The following FSTL5 variants were observed in gnomAD, a reference collection of about 807,000 sequenced individuals.
FSTL5 encodes the protein follistatin like 5.
In FSTL5, 62 loss-of-function variants were observed where a neutral mutation model predicts 89.1. The ratio of observed to expected loss-of-function variants is 0.70; its 90% confidence interval spans 0.57 to 0.86. The LOEUF is 0.86. Ranked by LOEUF, FSTL5 falls within the 40% of genes least tolerant of loss-of-function variation. FSTL5 has a pLI of 0.00. For missense variants in FSTL5, 1,057 were observed against 1,001.6 expected, an observed-to-expected ratio of 1.06 and a Z score of -0.75; for synonymous variants, 383 against 346.2, an observed-to-expected ratio of 1.11 and a Z score of -1.18.
At chr4:161,463,790 A>G (rs1165524947) in intron 13 of FSTL5, among the ~76,000 whole-genome samples, 1 of 152,196 alleles carries the variant, frequency 6.6e-6, no homozygotes, top group South Asian at 2.1e-4. Context: ...GCAAAGGATT[A>G]CAAAGAGTCT....
intron 8 of FSTL5, among the ~76,000 whole-genome samples, chr4:161,543,543 A>G (rs1005598369): frequency 7.2e-5 from 11 of 152,056 alleles, no homozygotes; most frequent in Non-Finnish European, 1.5e-4. Context: ...GAAAAAGTAC[A>G]AAGCTGGAGG....
At chr4:162,073,921 T>C (rs1354982779) in intron 2 of FSTL5, among the ~76,000 whole-genome samples, 8 of 151,812 alleles carry the variant, frequency 5.3e-5, no homozygotes, top group Non-Finnish European at 1.0e-4. Context: ...GTGCATTTTA[T>C]ACTTTTCAGC....
In FSTL5 at chr4:161,418,440, T is replaced by G. The variant is rs1025742564; in HGVS notation, c.1842-31991A>C. On this transcript the variant is annotated intron_variant, in intron 15 of 15. Transcript: ENST00000306100. ...TTATTTGTTACTGCTTGTTTTTGAC[T>G]GCAAGGTGGGAAGTGGTGCTCCTTA... 7.2e-5 allele frequency among the ~76,000 whole-genome samples: 11 copies of G among 152,190 alleles called. No individual in the cohort carries two copies. In the East Asian group the frequency reaches 2.1e-3, roughly 29 times the overall value.
intron 4 of FSTL5, among the ~76,000 whole-genome samples, chr4:161,888,118 T>C (rs1376489103): frequency 1.3e-5 from 2 of 152,172 alleles, no homozygotes; most frequent in Admixed American, 6.5e-5. Flanking sequence ...AAGAGACTAA[T>C]ACATTTCCCA....
intron 3 of FSTL5, among the ~76,000 whole-genome samples, chr4:161,994,333 T>C (rs905884969): frequency 6.6e-6 from 1 of 152,202 alleles, no homozygotes; most frequent in Non-Finnish European, 1.5e-5. Flanking sequence ...CTATTGTGAA[T>C]AGTGCTGCAA....
chr4:161,507,506 A>C (rs1560929271), intron 11 of FSTL5, among the ~76,000 whole-genome samples: 2 of 151,852 alleles, frequency 1.3e-5, no homozygotes, highest in Non-Finnish European at 2.9e-5. Context: ...TCTTTAGAGC[A>C]GATATTAGAT....
At chr4:161,770,169 T>C (rs1173049984) in intron 5 of FSTL5, among the ~76,000 whole-genome samples, 2 of 151,950 alleles carry the variant, frequency 1.3e-5, no homozygotes, top group African/African-American at 4.8e-5. Context: ...ATGGAAACAA[T>C]TGAACTTACA....
At chr4:161,643,515 G>A (rs1736038841) in intron 7 of FSTL5, among the ~76,000 whole-genome samples, 1 of 151,416 alleles carries the variant, frequency 6.6e-6, no homozygotes, top group Non-Finnish European at 1.5e-5. Context: ...TTTGAAGACT[G>A]GAATATTATC....
chr4:161,992,252 A>C (rs1054465141), intron 3 of FSTL5, among the ~76,000 whole-genome samples: 1 of 152,182 alleles, frequency 6.6e-6, no homozygotes, highest in East Asian at 1.9e-4. Flanking sequence ...AAGAGTCTCC[A>C]GGGAGAAAAG....
chr4:161,396,943 G>A (rs1731024828), intron 15 of FSTL5, among the ~76,000 whole-genome samples: 1 of 152,064 alleles, frequency 6.6e-6, no homozygotes, highest in African/African-American at 2.4e-5. Flanking sequence ...GTGAACTAGG[G>A]AGTATAATGA....
chr4:162,094,750 G>C (rs1165243004), intron 2 of FSTL5, among the ~76,000 whole-genome samples: 1 of 152,100 alleles, frequency 6.6e-6, no homozygotes, highest in Admixed American at 6.6e-5. Context: ...TTAGTCAGAA[G>C]TGGCAAGAGT....
At chr4:161,546,317 T>C (rs1206908121) in intron 8 of FSTL5, among the ~76,000 whole-genome samples, 1 of 147,928 alleles carries the variant, frequency 6.8e-6, no homozygotes, top group African/African-American at 2.4e-5. Context: ...TACACATATA[T>C]AAAACTGAAG....
At chr4:161,482,003 A>G (rs1297894814) in intron 12 of FSTL5, among the ~76,000 whole-genome samples, 1 of 152,176 alleles carries the variant, frequency 6.6e-6, no homozygotes, top group Non-Finnish European at 1.5e-5. Context: ...CACTAATAAG[A>G]GAGACTGGTT....
chr4:161,856,628 C>G (rs779452050), intron 4 of FSTL5, among the ~76,000 whole-genome samples: 1 of 147,824 alleles, frequency 6.8e-6, no homozygotes, highest in South Asian at 2.1e-4. Context: ...TATTTACATC[C>G]GTAACTCATT....
At chr4:162,142,410 G>T (rs1732785348) in intron 1 of FSTL5, among the ~76,000 whole-genome samples, 1 of 152,088 alleles carries the variant, frequency 6.6e-6, no homozygotes, top group African/African-American at 2.4e-5. Context: ...TTAAAGAAAT[G>T]GTCTAGTAGA....
intron 12 of FSTL5, among the ~76,000 whole-genome samples, chr4:161,484,730 G>A (rs1328491502): frequency 6.6e-6 from 1 of 152,092 alleles, no homozygotes; most frequent in African/African-American, 2.4e-5. Context: ...CATTTATTGA[G>A]AGCTTACTAT....
chr4:161,745,267 CAAAGGATTAGA>C (rs1305997689), intron 6 of FSTL5, among the ~76,000 whole-genome samples: 5 of 151,982 alleles, frequency 3.3e-5, no homozygotes, highest in African/African-American at 1.2e-4. Context: ...TCGTACACCT[CAAAGGATTAGA>C]AAACACAGAT....
chr4:161,424,328 A>G (rs146211316), intron 15 of FSTL5, among the ~76,000 whole-genome samples: 1 of 151,088 alleles, frequency 6.6e-6, no homozygotes, highest in African/African-American at 2.4e-5. Context: ...TATATTGTTC[A>G]TTTCATTAAA....
At position 161,661,334 on chromosome 4, in the gene FSTL5, C is replaced by A. The variant is rs575994451; in HGVS notation, c.728-4840G>T. ...AGACTCATAATCTTATTATCCTCATCATGCCTATCATTTCCATTATAGGAA... is the reference window on the plus strand; with the variant it reads ...AGACTCATAATCTTATTATCCTCATAATGCCTATCATTTCCATTATAGGAA... On this transcript the variant is annotated intron_variant, in intron 6 of 15. Transcript: ENST00000306100. 3.5e-4 allele frequency among the ~76,000 whole-genome samples: 53 copies of A among 152,240 alleles called. No homozygotes were observed. In the Middle Eastern group the frequency reaches 0.01, roughly 30 times the overall value.
Sources: allele counts gnomAD v4.1 joint callset (sites outside exome capture counted in the v4.1 genomes callset), GRCh38; gene constraint gnomAD v4.1.1; transcripts MANE v1.5; gene names NCBI Gene and HGNC (gene_info 2026-07-23, HGNC 2026-07-21).